PCSK5: variants seen among roughly 807,000 people sequenced by gnomAD.
PCSK5 encodes proprotein convertase subtilisin/kexin type 5, also known as prohormone convertase 5.
In PCSK5, 129 loss-of-function variants were observed where a neutral mutation model predicts 233.2. That is an observed-to-expected ratio of 0.55 (90% confidence interval 0.48 to 0.64). The LOEUF is 0.64. Among genes scored for constraint, PCSK5 ranks in the 30% least tolerant of loss-of-function variants. PCSK5 has a pLI of 0.00. For missense variants in PCSK5, 2,076 were observed against 2,430.1 expected, an observed-to-expected ratio of 0.85 and a Z score of 3.06; for synonymous variants, 825 against 879.2, an observed-to-expected ratio of 0.94 and a Z score of 1.09.
chr9:76,344,518 G>A (rs555194981), intron 35 of PCSK5, among the ~76,000 whole-genome samples: 157 of 152,272 alleles, frequency 1.0e-3, no homozygotes, highest in African/African-American at 3.6e-3. Flanking sequence ...AGACATATAT[G>A]GTTACCACTT....
intron 5 of PCSK5, among the ~76,000 whole-genome samples, chr9:76,067,278 C>T (rs1285000646): frequency 6.6e-6 from 1 of 152,006 alleles, no homozygotes; most frequent in African/African-American, 2.4e-5. Flanking sequence ...TTCTAGTATC[C>T]ACATTTCTTT....
intron 2 of PCSK5, among the ~76,000 whole-genome samples, chr9:75,962,897 G>GTCTTA (rs1825416529): frequency 6.6e-6 from 1 of 152,184 alleles, no homozygotes; most frequent in South Asian, 2.1e-4. Context: ...CACTGTGTGT[G>GTCTTA]TGTTGGTTAA....
At chr9:76,064,016 C>A (rs1830143951) in intron 5 of PCSK5, among the ~76,000 whole-genome samples, 2 of 94,004 alleles carry the variant, frequency 2.1e-5, no homozygotes, top group East Asian at 6.3e-4. Context: ...GGCTGACCCC[C>A]CCACCTCCCT....
chr9:76,202,679 C>T (rs1389015298), intron 20 of PCSK5, among the ~76,000 whole-genome samples: 4 of 152,126 alleles, frequency 2.6e-5, no homozygotes, highest in Non-Finnish European at 4.4e-5. Flanking sequence ...AATCATCTAT[C>T]GTCTGGGCCT....
At chr9:75,953,603 A>G (rs1188107396) in intron 2 of PCSK5, among the ~76,000 whole-genome samples, 6 of 152,032 alleles carry the variant, frequency 3.9e-5, no homozygotes, top group African/African-American at 1.4e-4. Flanking sequence ...TGTGAAAGCA[A>G]AAACAATTTG....
At chr9:76,096,244 A>G (rs1285829201) in intron 8 of PCSK5, 142 bp downstream of exon 8, 1 of 629,352 alleles carries the variant, frequency 1.6e-6, no homozygotes, top group African/African-American at 1.8e-5. Context: ...AGGAAATTAG[A>G]TTCGCTGATA....
chr9:75,967,477 A>G (rs1310753159), intron 2 of PCSK5, among the ~76,000 whole-genome samples: 2 of 152,208 alleles, frequency 1.3e-5, no homozygotes, highest in Non-Finnish European at 2.9e-5. Context: ...TGTGGAGAGC[A>G]ACATTTTCTA....
At chr9:76,034,827 A>G (rs1828791675) in intron 5 of PCSK5, among the ~76,000 whole-genome samples, 1 of 152,220 alleles carries the variant, frequency 6.6e-6, no homozygotes, top group African/African-American at 2.4e-5. Context: ...TAAAATATCC[A>G]TTTGTTCTTT....
chr9:76,289,205 A>C lies in PCSK5; in HGVS notation c.3143-3028A>C, dbSNP rs141192533. 6.5e-4 allele frequency among the ~76,000 whole-genome samples: 99 copies of C among 152,238 alleles called. 2 individuals are homozygous for C. The East Asian group carries it at 8.9e-3, about 14-fold the overall frequency. On this transcript the variant is annotated intron_variant, in intron 24 of 37. Coordinates refer to ENST00000674117, the MANE Select transcript of PCSK5 (RefSeq NM_001372043.1). Reference sequence around the variant, plus strand: ...GAAAGACGGCATCCCCGTCCTGACGAGGCATCTGCTCGCATGTTCTCCTTA... The same window carrying C: ...GAAAGACGGCATCCCCGTCCTGACGCGGCATCTGCTCGCATGTTCTCCTTA...
At chr9:76,133,800 T>C (rs2131745908) in intron 9 of PCSK5, among the ~76,000 whole-genome samples, 1 of 152,112 alleles carries the variant, frequency 6.6e-6, no homozygotes, top group East Asian at 1.9e-4. Flanking sequence ...GACAGCACCA[T>C]AGTAGGCAAC....
chr9:76,270,610 G>C (rs1341468673), intron 24 of PCSK5, among the ~76,000 whole-genome samples: 1 of 152,158 alleles, frequency 6.6e-6, no homozygotes, highest in African/African-American at 2.4e-5. Flanking sequence ...AGAACTCTTA[G>C]TTGAATGATT....
In PCSK5 at chr9:76,244,559, TG is replaced by T. The variant is rs201802517; in HGVS notation, c.3142+3879del. ...TGTAATAATTAGCTGTTGAAAATCC[TG>T]GGGTTTTTTTTTTTTTTTTTTAGCT... On this transcript the variant is annotated intron_variant, in intron 24 of 37. Coordinates refer to ENST00000674117, the MANE Select transcript of PCSK5 (RefSeq NM_001372043.1). 7.8e-3 allele frequency among the ~76,000 whole-genome samples: 771 copies of T among 98,998 alleles called. 3 individuals are homozygous for T. The highest frequency in any genetic ancestry group is 0.013 in the Admixed American group (139 of 10,694). The allele number at this position is 98,998 out of a possible 152,430, so 64.9% of individuals were successfully genotyped here.
At chr9:75,994,485 C>T (rs7033654) in intron 3 of PCSK5, among the ~76,000 whole-genome samples, 1,332 of 132,924 alleles carry the variant, frequency 0.01, 31 homozygotes, top group African/African-American at 0.037. Flanking sequence ...AATGCAGTGG[C>T]GCGATCTTAG....
intron 5 of PCSK5, among the ~76,000 whole-genome samples, chr9:76,029,530 G>A (rs1828569309): frequency 2.0e-5 from 3 of 152,206 alleles, no homozygotes; most frequent in Middle Eastern, 6.8e-3. Context: ...TACTTGACCT[G>A]ATTATTTGCT....
At chr9:75,994,208 G>A (rs951152478) in intron 3 of PCSK5, among the ~76,000 whole-genome samples, 3 of 151,756 alleles carry the variant, frequency 2.0e-5, no homozygotes, top group Non-Finnish European at 2.9e-5. Context: ...GAGAAACCTG[G>A]ATGTCATCCT....
chr9:75,951,375 A>T (rs1563933146), intron 2 of PCSK5, among the ~76,000 whole-genome samples: 1 of 152,208 alleles, frequency 6.6e-6, no homozygotes, highest in Non-Finnish European at 1.5e-5. Context: ...GGAATTATGA[A>T]GGCATTCTGA....
chr9:75,896,783 C>G, intron 1 of PCSK5, among the ~76,000 whole-genome samples: 1 of 152,052 alleles, frequency 6.6e-6, no homozygotes, highest in East Asian at 1.9e-4. Context: ...TGTACATATG[C>G]ACAGCATATA....
intron 17 of PCSK5, among the ~76,000 whole-genome samples, chr9:76,185,956 A>G (rs1026700957): frequency 3.9e-5 from 6 of 152,218 alleles, no homozygotes; most frequent in Non-Finnish European, 7.3e-5. Flanking sequence ...AAATTATTTT[A>G]TTTCTTAGGG....
At chr9:75,914,688 A>G (rs1822904818) in intron 1 of PCSK5, among the ~76,000 whole-genome samples, 1 of 152,138 alleles carries the variant, frequency 6.6e-6, no homozygotes, top group Non-Finnish European at 1.5e-5. Flanking sequence ...GCTTCATTAA[A>G]CTTTTCTATT....
Sources: gnomAD v4.1 joint callset for allele counts (sites outside exome capture counted in the v4.1 genomes callset) on GRCh38, gnomAD v4.1.1 for gene constraint, MANE v1.5 for transcripts, NCBI Gene and HGNC (gene_info 2026-07-23, HGNC 2026-07-21) for gene names.